SCN3A: variants seen among roughly 807,000 people sequenced by gnomAD.
SCN3A encodes the protein sodium voltage-gated channel alpha subunit 3, also known as sodium channel protein type 3 subunit alpha.
In SCN3A, 60 loss-of-function variants were observed where a neutral mutation model predicts 187.6. The ratio of observed to expected loss-of-function variants is 0.32; its 90% CI spans 0.26 to 0.40. The LOEUF is 0.40. Among genes scored for constraint, SCN3A ranks in the 10% least tolerant of loss-of-function variants. The probability of loss-of-function intolerance (pLI) is 1.00; values close to 1 mark genes in which losing one functional copy is unlikely to be tolerated. For missense variants in SCN3A, 1,601 were observed against 2,428.2 expected (o/e 0.66, Z 7.16); for synonymous variants, 788 against 829.2 (o/e 0.95, Z 0.85).
intron 12 of SCN3A, among the ~76,000 whole-genome samples, chr2:165,143,488 T>TA (rs1259977058): frequency 6.6e-6 from 1 of 152,172 alleles, no homozygotes; most frequent in Non-Finnish European, 1.5e-5. Context: ...CTTTGGAATG[T>TA]ATAATAATGG....
At chr2:165,104,664 T>G (rs1255296370) in intron 21 of SCN3A, among the ~76,000 whole-genome samples, 1 of 151,666 alleles carries the variant, frequency 6.6e-6, no homozygotes, top group African/African-American at 2.4e-5. Flanking sequence ...TATGAAAAAT[T>G]TATACATGAC....
intron 12 of SCN3A, 23 bp downstream of exon 12, chr2:165,146,716 G>A: frequency 6.2e-7 from 1 of 1,613,544 alleles, no homozygotes; most frequent in Non-Finnish European, 8.5e-7. Flanking sequence ...AAAGAAACCA[G>A]AGCACTTAGT....
intron 12 of SCN3A, 132 bp downstream of exon 12, chr2:165,146,607 C>T (rs1280524521): frequency 1.1e-6 from 1 of 872,502 alleles, no homozygotes; most frequent in African/African-American, 1.7e-5. Context: ...AGAATTTAAA[C>T]AACTATATTA....
intron 18 of SCN3A, among the ~76,000 whole-genome samples, chr2:165,119,464 A>AT (rs1220751009): frequency 1.3e-5 from 2 of 152,166 alleles, no homozygotes; most frequent in Non-Finnish European, 2.9e-5. Flanking sequence ...TTACTGCTGT[A>AT]TTTTTTAAAT....
chr2:165,100,291 A>T lies in SCN3A; in HGVS notation c.3966+11T>A. On this transcript the variant is annotated intron_variant, in intron 22 of 27. Coordinates refer to ENST00000283254, the MANE Select transcript of SCN3A (RefSeq NM_006922.4). ...TTTGACATGAATAATTAGAGTGTCT[A>T]TTCTTCTTACCCTCATGCCTTCAAA... The T allele has an allele frequency of 6.2e-7, 1 of 1,613,358 alleles. No homozygotes were observed. Among genetic ancestry groups the T allele is most frequent in the Non-Finnish European group, 8.5e-7 (1 of 1,179,480 alleles).
intron 6 of SCN3A, chr2:165,164,027 C>T: frequency 1.2e-6 from 1 of 819,314 alleles, no homozygotes; most frequent in African/African-American, 1.7e-5. Flanking sequence ...CTGCCATATG[C>T]TAAAGGTTGC....
At chr2:165,174,350 G>C (rs1690314783) in intron 3 of SCN3A, among the ~76,000 whole-genome samples, 1 of 152,178 alleles carries the variant, frequency 6.6e-6, no homozygotes, top group South Asian at 2.1e-4. Context: ...TGAATATGGA[G>C]CCCAAGCCAG....
chr2:165,111,894 T>C (rs530442999), intron 21 of SCN3A, among the ~76,000 whole-genome samples: 1 of 152,312 alleles, frequency 6.6e-6, no homozygotes, highest in South Asian at 2.1e-4. Context: ...TCTTATCAAC[T>C]TAAAGGGTTA....
rs943578338 is a variant in SCN3A, at chr2:165,091,143, G to A, written c.5010C>T (p.Ala1670=). 5.6e-6 allele frequency: 9 copies of A among 1,614,062 alleles called. No individual in the cohort carries two copies. The highest frequency in any genetic ancestry group is 6.8e-6 in the Non-Finnish European group (8 of 1,179,996). Residue 1670 remains alanine (A), a synonymous_variant, in exon 28 of 28, where the codon GCC becomes GCT. Coordinates refer to ENST00000283254, the MANE Select transcript of SCN3A (RefSeq NM_006922.4). ...LLLFLVMFIY[A]IFGMSNFAYV... ...AGGCAAAGTTGGACATCCCAAAGAT[G>A]GCATAGATAAACATGACCAGGAAGA...
chr2:165,152,294 A>G (rs1296978037), intron 11 of SCN3A, among the ~76,000 whole-genome samples: 1 of 152,204 alleles, frequency 6.6e-6, no homozygotes, highest in African/African-American at 2.4e-5. Flanking sequence ...GTGTATGTTC[A>G]CAATGTTAAT....
At chr2:165,168,055 C>T (rs1363629557) in intron 5 of SCN3A, among the ~76,000 whole-genome samples, 3 of 152,048 alleles carry the variant, frequency 2.0e-5, no homozygotes, top group African/African-American at 7.2e-5. Flanking sequence ...TAGGTACAAA[C>T]ATTAGAAAAG....
At chr2:165,128,432 A>AGG (rs1470623035) in intron 17 of SCN3A, among the ~76,000 whole-genome samples, 1 of 151,852 alleles carries the variant, frequency 6.6e-6, no homozygotes, top group East Asian at 1.9e-4. Flanking sequence ...CCAACGAGAG[A>AGG]GAGAGAGAGA....
intron 9 of SCN3A, among the ~76,000 whole-genome samples, chr2:165,161,920 C>T (rs1689421650): frequency 6.6e-6 from 1 of 152,182 alleles, no homozygotes; most frequent in Non-Finnish European, 1.5e-5. Context: ...TAGTCTGGGT[C>T]TTTTCCAGTC....
chr2:165,162,858 G>A (rs778966405), intron 7 of SCN3A, 30 bp from the exon 8 acceptor site: 59 of 1,612,864 alleles, frequency 3.7e-5, no homozygotes, highest in Admixed American at 1.8e-4. Context: ...GGTTACCTGA[G>A]GAAGAGTGCC....
At chr2:165,191,066 T>A (rs1053313111) in intron 1 of SCN3A, among the ~76,000 whole-genome samples, 5 of 151,578 alleles carry the variant, frequency 3.3e-5, no homozygotes, top group African/African-American at 1.2e-4. Context: ...CGTTGTTTTT[T>A]TTTTTTTTTT....
intron 1 of SCN3A, among the ~76,000 whole-genome samples, chr2:165,189,124 A>T (rs560816590): frequency 2.0e-5 from 3 of 152,312 alleles, no homozygotes; most frequent in African/African-American, 7.2e-5. Flanking sequence ...TATTTTAGGA[A>T]AAAACAAAAC....
chr2:165,162,391 C>A lies in SCN3A; in HGVS notation c.968-20G>T, dbSNP rs11887309. 0.15 allele frequency: 243,064 copies of A among 1,602,062 alleles called. 25,493 individuals are homozygous for A. Among genetic ancestry groups the A allele is most frequent in the East Asian group, 0.48 (21,604 of 44,548 alleles). ...AGTGACCTGTTAATACAAAAAAAAA[C>A]CCATTTTATTTCATATTAATCCTAT... On this transcript the variant is annotated intron_variant, in intron 8 of 27. Coordinates refer to ENST00000283254, the MANE Select transcript of SCN3A (RefSeq NM_006922.4).
At chr2:165,143,592 A>G (rs992443918) in intron 12 of SCN3A, among the ~76,000 whole-genome samples, 6 of 152,218 alleles carry the variant, frequency 3.9e-5, no homozygotes, top group African/African-American at 1.4e-4. Context: ...ACACTAGAAG[A>G]TGCAGCAGAG....
At chr2:165,120,136 G>C (rs1686580424) in intron 18 of SCN3A, among the ~76,000 whole-genome samples, 1 of 152,090 alleles carries the variant, frequency 6.6e-6, no homozygotes, top group Non-Finnish European at 1.5e-5. Flanking sequence ...TTCAGCCGCA[G>C]AAAACATGCC....
Sources: allele counts gnomAD v4.1 joint callset (sites outside exome capture counted in the v4.1 genomes callset), GRCh38; gene constraint gnomAD v4.1.1; transcripts MANE v1.5; gene names NCBI Gene and HGNC (gene_info 2026-07-23, HGNC 2026-07-21).